Variants in PIKFYVE observed in about 807,000 individuals in gnomAD.
PIKFYVE encodes the protein 1-phosphatidylinositol 3-phosphate 5-kinase.
In PIKFYVE, 122 loss-of-function variants were observed where a neutral mutation model predicts 257.9. That is an observed-to-expected ratio of 0.47 (90% CI 0.41 to 0.55). PIKFYVE has a LOEUF of 0.55. PIKFYVE is among the 20% of genes least tolerant of loss of function. The pLI, the probability that PIKFYVE is intolerant of heterozygous loss-of-function variation, is 0.00. For missense variants in PIKFYVE, 2,160 were observed against 2,536.6 expected (o/e 0.85, Z 3.19); for synonymous variants, 892 against 868.9 (o/e 1.03, Z -0.47).
chr2:208,354,717 G>A, intron 41 of PIKFYVE, 72 bp downstream of exon 41: 3 of 1,209,730 alleles, frequency 2.5e-6, no homozygotes, highest in Non-Finnish European at 3.7e-6. Flanking sequence ...AGTGGATACT[G>A]ATTCTTTTTT....
At chr2:208,275,692 C>CT (rs1266274897) in intron 3 of PIKFYVE, among the ~76,000 whole-genome samples, 8 of 152,066 alleles carry the variant, frequency 5.3e-5, no homozygotes, top group African/African-American at 1.7e-4. Flanking sequence ...CTTTGTAATT[C>CT]TTTTTTTTCC....
At position 208,328,103 on chromosome 2, in the gene PIKFYVE, G is replaced by T. The variant is rs531342507; in HGVS notation, c.3619-77G>T. On this transcript the variant is annotated intron_variant, in intron 20 of 41. Transcript: ENST00000264380. Reference sequence around the variant, plus strand: ...GTGATAATTGGAGGCTTTACAAATAGAGTGGAGTGTGTTTGGTGCATTGGG... The same window carrying T: ...GTGATAATTGGAGGCTTTACAAATATAGTGGAGTGTGTTTGGTGCATTGGG... 65 of 1,607,924 alleles carry T rather than the reference G, an allele frequency of 4.0e-5. No individual in the cohort carries two copies. The South Asian group carries it at 6.7e-4, about 17-fold the overall frequency.
chr2:208,301,031 C>T lies in PIKFYVE; in HGVS notation c.1145C>T (p.Pro382Leu). Residue 382 changes from proline (P) to leucine (L), a missense_variant, in exon 9 of 42, where the codon CCC (proline) becomes CTC (leucine). This residue lies in a region of PIKFYVE where 90 missense variants were observed against 110.6 expected (regional missense o/e 0.81). Transcript: ENST00000264380. The stretch of plus-strand genomic sequence containing the variant: ...CACCGCTACTGGTTGAGAACGCATC[C>T]CAACTGCATTGTAGGAAAGGAATTA... ...QDHRYWLRTH[P>L]NCIVGKELVN... 2 of 1,614,074 alleles carry T rather than the reference C, an allele frequency of 1.2e-6. No individual in the cohort carries two copies. Among genetic ancestry groups the T allele is most frequent in the Non-Finnish European group, 1.7e-6 (2 of 1,179,990 alleles).
rs1309104577 is a variant in PIKFYVE, at chr2:208,301,112, G to A, written c.1208+18G>A. On this transcript the variant is annotated intron_variant, in intron 9 of 41. Coordinates refer to ENST00000264380, the MANE Select transcript of PIKFYVE (RefSeq NM_015040.4). ...GCCACAAGGTATTCTGATCTTAGAA[G>A]GTTTCAATATTATTTGTTTATTTTG... is the stretch of plus-strand genomic sequence containing the variant. 1.9e-6 allele frequency: 3 copies of A among 1,612,464 alleles called. No homozygotes were observed. Among genetic ancestry groups the A allele is most frequent in the African/African-American group, 2.7e-5 (2 of 74,862 alleles).
chr2:208,323,988 T>G (rs185062317), intron 17 of PIKFYVE, among the ~76,000 whole-genome samples, 154 bp from the exon 18 acceptor site: 6 of 152,174 alleles, frequency 3.9e-5, no homozygotes, highest in Non-Finnish European at 8.8e-5. Context: ...TTGTTTGAGT[T>G]TTTTGTAGAT....
At chr2:208,269,909 G>A (rs1482827042) in intron 1 of PIKFYVE, 2 of 274,098 alleles carry the variant, frequency 7.3e-6, no homozygotes, top group Non-Finnish European at 1.5e-5. Flanking sequence ...CAGCACCTTT[G>A]GAGATGGAGG....
At chr2:208,300,886 G>A (rs780346657) in intron 8 of PIKFYVE, 51 bp from the exon 9 acceptor site, 8 of 1,606,996 alleles carry the variant, frequency 5.0e-6, no homozygotes, top group Non-Finnish European at 6.8e-6. Flanking sequence ...ATCTGAAAAG[G>A]TATATAGCAT....
At chr2:208,321,590 T>TTA (rs1696234681) in intron 17 of PIKFYVE, among the ~76,000 whole-genome samples, 1 of 145,902 alleles carries the variant, frequency 6.9e-6, no homozygotes, top group Non-Finnish European at 1.5e-5. Context: ...TTTTTTTTTT[T>TTA]TTTTGAGACG....
chr2:208,351,043 C>T, intron 37 of PIKFYVE, 96 bp downstream of exon 37: 1 of 1,476,826 alleles, frequency 6.8e-7, no homozygotes, highest in Non-Finnish European at 9.4e-7. Flanking sequence ...TAAGAACTTT[C>T]ATAACTATGA....
rs1006212375 is a variant in PIKFYVE at position 208,336,694 on chromosome 2, T to G, written c.4521-144T>G. 19 of 548,832 alleles carry G rather than the reference T, an allele frequency of 3.5e-5. No homozygotes were observed. In the African/African-American group the frequency reaches 3.6e-4, roughly 11 times the overall value. The allele number at this position is 548,832 out of a possible 1,614,324, so 34.0% of individuals were successfully genotyped here. A position where few individuals can be genotyped will look rare whatever the true frequency, so the allele number is the denominator to read the frequency against. On this transcript the variant is annotated intron_variant, in intron 27 of 41. Coordinates refer to ENST00000264380, the MANE Select transcript of PIKFYVE (RefSeq NM_015040.4). ...AATTAGATATGACAAAAACTTACTC[T>G]TATTTATATATAACTTTAAAGACTA...
At position 208,282,002 on chromosome 2, in the gene PIKFYVE, C is replaced by A. The variant is rs1574432310; in HGVS notation, c.614-3724C>A. ...CAGTTCTTGAGCTGGGAATTTGAAT[C>A]CCTAAGGTTATCCATTTCTTTTTTT... is the stretch of plus-strand genomic sequence containing the variant. On this transcript the variant is annotated intron_variant, in intron 5 of 41. Transcript: ENST00000264380. 2.6e-5 allele frequency among the ~76,000 whole-genome samples: 4 copies of A among 152,294 alleles called. No homozygotes were observed. In the East Asian group the frequency reaches 5.8e-4, roughly 22 times the overall value.
chr2:208,311,575 G>A (rs1229939190), intron 12 of PIKFYVE, among the ~76,000 whole-genome samples: 1 of 152,150 alleles, frequency 6.6e-6, no homozygotes, highest in Non-Finnish European at 1.5e-5. Context: ...TAAAGAGTAA[G>A]TTTCACTTGT....
At chr2:208,309,004 G>A (rs1215684500) in intron 12 of PIKFYVE, among the ~76,000 whole-genome samples, 2 of 152,108 alleles carry the variant, frequency 1.3e-5, no homozygotes, top group Non-Finnish European at 2.9e-5. Flanking sequence ...CACCGCACCC[G>A]GCCCACTACT....
At chr2:208,312,057 A>T (rs1559102821) in intron 12 of PIKFYVE, among the ~76,000 whole-genome samples, 179 bp from the exon 13 acceptor site, 2 of 152,226 alleles carry the variant, frequency 1.3e-5, no homozygotes, top group Admixed American at 6.5e-5. Flanking sequence ...TATGAAGTGC[A>T]TAGAACAAGT....
intron 12 of PIKFYVE, among the ~76,000 whole-genome samples, chr2:208,309,543 C>T (rs1379872797): frequency 6.6e-6 from 1 of 152,112 alleles, no homozygotes; most frequent in African/African-American, 2.4e-5. Flanking sequence ...ATGAATAGAA[C>T]GAGGTTGCCA....
intron 5 of PIKFYVE, among the ~76,000 whole-genome samples, chr2:208,281,053 C>A (rs1225441338): frequency 6.6e-6 from 1 of 152,216 alleles, no homozygotes; most frequent in African/African-American, 2.4e-5. Flanking sequence ...CAAAGAAGAG[C>A]AACCACAAAG....
chr2:208,324,958 G>T lies in PIKFYVE; in HGVS notation c.2379G>T (p.Met793Ile). Residue 793 changes from methionine (M) to isoleucine (I), a missense_variant, in exon 19 of 42, where the codon ATG becomes ATT. Coordinates refer to ENST00000264380, the MANE Select transcript of PIKFYVE (RefSeq NM_015040.4). ...ISRMTQGDLV[M>I]SMDQLLTKPH... ...GAATGACCCAAGGTGATTTAGTGAT[G>T]TCAATGGACCAGCTGCTTACGAAAC... 6.2e-7 allele frequency: 1 copy of T among 1,614,084 alleles called. No homozygotes were observed. Among genetic ancestry groups the T allele is most frequent in the Non-Finnish European group, 8.5e-7 (1 of 1,179,958 alleles).
At chr2:208,288,692 C>G in intron 6 of PIKFYVE, 37 bp from the exon 7 acceptor site, 1 of 1,612,132 alleles carries the variant, frequency 6.2e-7, no homozygotes, top group East Asian at 2.2e-5. Flanking sequence ...CTTTTACTGT[C>G]CTGAATTATT....
intron 3 of PIKFYVE, among the ~76,000 whole-genome samples, chr2:208,275,269 T>A (rs1418584317): frequency 6.6e-6 from 1 of 152,266 alleles, no homozygotes; most frequent in Non-Finnish European, 1.5e-5. Context: ...TGGGTTTCTT[T>A]CATCTTCAGC....
Sources: gnomAD v4.1 joint callset for allele counts (sites outside exome capture counted in the v4.1 genomes callset) on GRCh38, gnomAD v4.1.1 for gene constraint, gnomAD v4.1.1 regional missense constraint, MANE v1.5 for transcripts, NCBI Gene and HGNC (gene_info 2026-07-23, HGNC 2026-07-21) for gene names.